Variants in SUFU observed in about 807,000 individuals in gnomAD.
SUFU encodes suppressor of fused homolog.
A neutral mutation model predicts 58.9 loss-of-function variants in SUFU; 7 were observed. The ratio of observed to expected loss-of-function variants is 0.12; its 90% CI spans 0.07 to 0.22. SUFU has a LOEUF of 0.22. SUFU is among the 10% of genes least tolerant of loss of function. The probability of loss-of-function intolerance (pLI) is 1.00; values close to 1 mark genes in which losing one functional copy is unlikely to be tolerated. For synonymous variants in SUFU, 232 were observed against 254.8 expected (o/e 0.91, Z 0.85); for missense variants, 451 against 641.3 (o/e 0.70, Z 3.20).
intron 3 of SUFU, among the ~76,000 whole-genome samples, chr10:102,564,301 G>A (rs1018171118): frequency 6.6e-6 from 1 of 152,140 alleles, no homozygotes; most frequent in Non-Finnish European, 1.5e-5. Flanking sequence ...CTGGAAAGAG[G>A]TGCTCCATCA....
intron 2 of SUFU, among the ~76,000 whole-genome samples, chr10:102,541,171 T>G (rs1426923734): frequency 6.6e-6 from 1 of 152,178 alleles, no homozygotes; most frequent in African/African-American, 2.4e-5. Context: ...TCATTTATTT[T>G]GAGTATGTGA....
intron 7 of SUFU, 104 bp downstream of exon 7, chr10:102,597,397 CA>C (rs2063474611): frequency 7.1e-7 from 1 of 1,400,144 alleles, no homozygotes; most frequent in African/African-American, 1.4e-5. Context: ...ACAACCCATT[CA>C]ATAGTTTATT....
chr10:102,621,876 C>T (rs1316223250), intron 10 of SUFU, among the ~76,000 whole-genome samples: 1 of 152,244 alleles, frequency 6.6e-6, no homozygotes, highest in African/African-American at 2.4e-5. Context: ...TATCATTGAC[C>T]ACAGACATCT....
intron 1 of SUFU, among the ~76,000 whole-genome samples, chr10:102,505,929 C>T (rs1349416882): frequency 6.6e-6 from 1 of 150,958 alleles, no homozygotes; most frequent in African/African-American, 2.4e-5. Flanking sequence ...GGGCTGGGCA[C>T]AGTGGCTCAT....
At chr10:102,596,513 C>T (rs559360840) in intron 6 of SUFU, among the ~76,000 whole-genome samples, 1 of 152,292 alleles carries the variant, frequency 6.6e-6, no homozygotes, top group South Asian at 2.1e-4. Flanking sequence ...TCTAGGCCCC[C>T]ATTTCAGTCT....
intron 2 of SUFU, among the ~76,000 whole-genome samples, chr10:102,541,662 G>T (rs1200688782): frequency 7.0e-6 from 1 of 143,638 alleles, no homozygotes; most frequent in East Asian, 2.1e-4. Flanking sequence ...GCCTCCCAAA[G>T]TGCTAGGATT....
chr10:102,589,091 T>TTA (rs71474568), intron 3 of SUFU, among the ~76,000 whole-genome samples: 1 of 150,846 alleles, frequency 6.6e-6, no homozygotes, highest in Non-Finnish European at 1.5e-5. Context: ...CCTGGCTAAT[T>TTA]TGTGTGTGTG....
chr10:102,506,502 C>T (rs111604275), intron 1 of SUFU, among the ~76,000 whole-genome samples: 5,678 of 152,238 alleles, frequency 0.037, 165 homozygotes, highest in Middle Eastern at 0.14. Flanking sequence ...CCTCAGCCTC[C>T]CAAGTAGCTG....
chr10:102,623,366 T>C (rs2063758823), intron 10 of SUFU, among the ~76,000 whole-genome samples: 2 of 152,240 alleles, frequency 1.3e-5, no homozygotes, highest in African/African-American at 4.8e-5. Context: ...TTGGTTTGCC[T>C]TCCTTTTCAT....
rs1349026109 is a variant in SUFU at position 102,628,639 on chromosome 10, G to T, written c.1365+1396G>T. ...CAGAGGAAAGTAGGTCACTAAAAAT[G>T]ACTTTTTTCTTTTTTTCCTTTTCTG... On this transcript the variant is annotated intron_variant, in intron 11 of 11. Transcript: ENST00000369902. This position sits in a 1 kb window ranked among gnomAD's most constrained non-coding sequence, Gnocchi z 4.5. Among the ~76,000 whole-genome samples the T allele has an allele frequency of 6.6e-6, 1 of 152,206 alleles. No individual in the cohort carries two copies. Among genetic ancestry groups the T allele is most frequent in the Non-Finnish European group, 1.5e-5 (1 of 68,050 alleles).
At chr10:102,503,514 A>AT (rs1374213865), upstream of SUFU, among the ~76,000 whole-genome samples, 2 of 152,006 alleles carry the variant, frequency 1.3e-5, no homozygotes, top group Non-Finnish European at 2.9e-5. Flanking sequence ...AGCCCAGTGC[A>AT]TTTTTTTCTC....
intron 8 of SUFU, among the ~76,000 whole-genome samples, chr10:102,602,093 A>G (rs891601326): frequency 1.3e-5 from 2 of 152,218 alleles, no homozygotes; most frequent in Non-Finnish European, 2.9e-5. Context: ...CTAAAACCTT[A>G]TTAGTGCTCA....
chr10:102,505,949 C>T (rs969706457), intron 1 of SUFU, among the ~76,000 whole-genome samples: 1 of 150,428 alleles, frequency 6.6e-6, no homozygotes, highest in African/African-American at 2.4e-5. Context: ...TGCATGTATT[C>T]CCACCACTTT....
At chr10:102,542,817 G>C (rs946412614) in intron 2 of SUFU, among the ~76,000 whole-genome samples, 4 of 152,020 alleles carry the variant, frequency 2.6e-5, no homozygotes, top group African/African-American at 4.8e-5. Flanking sequence ...TGGAGGCAAG[G>C]CTTCGCCATG....
At chr10:102,519,895 C>T (rs1420982633) in intron 2 of SUFU, among the ~76,000 whole-genome samples, 1 of 151,968 alleles carries the variant, frequency 6.6e-6, no homozygotes, top group Admixed American at 6.6e-5. Context: ...CCTCAGCCTC[C>T]CGAGTAGCTG....
Position 102,597,214 on chromosome 10 carries a change from C to T in SUFU, c.831C>T (p.Asp277=), listed in dbSNP as rs1340330498. 6.2e-7 allele frequency: 1 copy of T among 1,613,956 alleles called. No homozygotes were observed. The highest frequency in any genetic ancestry group is 8.5e-7 in the Non-Finnish European group (1 of 1,179,998). The part of the protein sequence containing the change: ...SGVSAKCAWD[D]LSRPPEDDED... Reference sequence around the variant, plus strand: ...TCAGTGCCAAGTGTGCCTGGGATGACCTGAGCCGGCCCCCCGAGGATGACG... The same window carrying T: ...TCAGTGCCAAGTGTGCCTGGGATGATCTGAGCCGGCCCCCCGAGGATGACG... Residue 277 remains aspartate (D), a synonymous_variant, in exon 7 of 12, where the codon GAC becomes GAT. Coordinates refer to ENST00000369902, the MANE Select transcript of SUFU (RefSeq NM_016169.4).
At chr10:102,538,126 G>T (rs1271413044) in intron 2 of SUFU, among the ~76,000 whole-genome samples, 1 of 152,196 alleles carries the variant, frequency 6.6e-6, no homozygotes, top group African/African-American at 2.4e-5. Flanking sequence ...GTGGGGTTCT[G>T]ATGTAAAGTT....
intron 8 of SUFU, among the ~76,000 whole-genome samples, chr10:102,604,830 AC>A (rs1291741297): frequency 6.6e-6 from 1 of 150,392 alleles, no homozygotes; most frequent in Non-Finnish European, 1.5e-5. Flanking sequence ...GATTTTACTC[AC>A]CCTGACTTCT....
intron 10 of SUFU, among the ~76,000 whole-genome samples, chr10:102,623,019 A>C (rs1442857935): frequency 2.1e-5 from 3 of 144,374 alleles, no homozygotes; most frequent in African/African-American, 2.6e-5. Flanking sequence ...AAAAAAAAGC[A>C]TGGGCCTTGG....
Sources: allele counts gnomAD v4.1 joint callset (sites outside exome capture counted in the v4.1 genomes callset), GRCh38; gene constraint gnomAD v4.1.1; non-coding constraint Gnocchi (gnomAD v3.1); transcripts MANE v1.5; gene names NCBI Gene and HGNC (gene_info 2026-07-23, HGNC 2026-07-21).